FMN2: variants seen among roughly 807,000 people sequenced by gnomAD.
The protein encoded by FMN2 is formin 2.
FMN2 carries 51 observed loss-of-function variants against 142.3 expected under a neutral mutation model. The observed-to-expected ratio is 0.36, with a 90% confidence interval of 0.29 to 0.45. The LOEUF (loss-of-function observed/expected upper bound fraction) is 0.45, where lower values mean the gene tolerates loss of function less well. FMN2 is among the 20% of genes least tolerant of loss of function. The pLI is 1.00. For missense variants in FMN2, 1,936 were observed against 2,122.8 expected (o/e 0.91, Z 1.73); for synonymous variants, 882 against 869.8 (o/e 1.01, Z -0.25).
chr1:240,395,343 C>A (rs1558469599), intron 15 of FMN2, among the ~76,000 whole-genome samples: 2 of 152,198 alleles, frequency 1.3e-5, no homozygotes, highest in Non-Finnish European at 2.9e-5. Context: ...GCTAACACAG[C>A]ATTCATTTTG....
At chr1:240,226,654 G>A (rs1443745263) in intron 6 of FMN2, among the ~76,000 whole-genome samples, 3 of 152,162 alleles carry the variant, frequency 2.0e-5, no homozygotes, top group Non-Finnish European at 2.9e-5. Context: ...TCTCTTAAGT[G>A]ATAGTTTGTG....
intron 2 of FMN2, among the ~76,000 whole-genome samples, chr1:240,155,470 C>T (rs964777229): frequency 6.6e-6 from 1 of 152,058 alleles, no homozygotes; most frequent in South Asian, 2.1e-4. Flanking sequence ...TTTGTAGAGA[C>T]AGGGTCTAGC....
intron 6 of FMN2, among the ~76,000 whole-genome samples, chr1:240,230,704 C>G (rs1667502787): frequency 7.6e-6 from 1 of 131,826 alleles, no homozygotes; most frequent in Non-Finnish European, 1.6e-5. Context: ...TCTTTTAATA[C>G]TCTCCTGTAT....
At chr1:240,343,141 C>T (rs983845661) in intron 13 of FMN2, among the ~76,000 whole-genome samples, 4 of 152,132 alleles carry the variant, frequency 2.6e-5, no homozygotes, top group African/African-American at 9.7e-5. Flanking sequence ...GGGCTCATTG[C>T]AGTGGAATTC....
intron 3 of FMN2, 42 bp downstream of exon 3, chr1:240,178,110 A>G: frequency 6.8e-7 from 1 of 1,463,696 alleles, no homozygotes; most frequent in Non-Finnish European, 9.0e-7. Context: ...GGAAGAGGCA[A>G]GATAGAGAGA....
At chr1:240,179,087 G>C (rs1305231313) in intron 3 of FMN2, among the ~76,000 whole-genome samples, 2 of 152,144 alleles carry the variant, frequency 1.3e-5, no homozygotes, top group African/African-American at 4.8e-5. Context: ...TCTGTAAAAT[G>C]GTGATGAGCA....
chr1:240,260,084 G>T (rs1023976600), intron 7 of FMN2, among the ~76,000 whole-genome samples: 1 of 152,054 alleles, frequency 6.6e-6, no homozygotes, highest in Non-Finnish European at 1.5e-5. Flanking sequence ...CCATTAATTC[G>T]TTCCTTTTTA....
chr1:240,318,470 C>T (rs1434015749), intron 8 of FMN2, among the ~76,000 whole-genome samples: 1 of 151,934 alleles, frequency 6.6e-6, no homozygotes, highest in East Asian at 1.9e-4. Context: ...CTTTAGCACC[C>T]ACTCTGGGAT....
intron 16 of FMN2, among the ~76,000 whole-genome samples, chr1:240,452,226 C>A (rs1676083743): frequency 6.6e-6 from 1 of 152,020 alleles, no homozygotes; most frequent in Non-Finnish European, 1.5e-5. Flanking sequence ...AGTTATGTAG[C>A]CATTCACTCT....
intron 2 of FMN2, among the ~76,000 whole-genome samples, chr1:240,128,822 A>T (rs1662616834): frequency 1.3e-5 from 2 of 152,198 alleles, no homozygotes; most frequent in Admixed American, 1.3e-4. Context: ...GTTACCGTAG[A>T]CAAAAAGAAG....
chr1:240,159,492 G>C (rs1664169901), intron 2 of FMN2, among the ~76,000 whole-genome samples: 1 of 152,094 alleles, frequency 6.6e-6, no homozygotes, highest in Non-Finnish European at 1.5e-5. Flanking sequence ...GTTCAAAATG[G>C]GGTTCCTCAC....
At chr1:240,181,686 G>A (rs139628659) in intron 3 of FMN2, among the ~76,000 whole-genome samples, 1 of 152,274 alleles carries the variant, frequency 6.6e-6, no homozygotes, top group East Asian at 1.9e-4. Flanking sequence ...TGAAGGATAA[G>A]ACTGGCTGGG....
chr1:240,404,052 T>C (rs1674073766), intron 15 of FMN2, among the ~76,000 whole-genome samples: 1 of 152,114 alleles, frequency 6.6e-6, no homozygotes, highest in Non-Finnish European at 1.5e-5. Flanking sequence ...GTATAACAAA[T>C]GAGTTGAAAT....
In FMN2 at chr1:240,207,121, C is replaced by T. The variant is rs368527329; in HGVS notation, c.2309C>T (p.Pro770Leu). The change falls in exon 5 of 18, where the codon CCC (proline) becomes CTC (leucine). Residue 770 changes from proline (P) to leucine (L), a missense_variant. Around this residue, in one of 8 missense-constraint regions of FMN2, gnomAD observed 478 missense variants for 462.8 expected, o/e 1.03. Transcript: ENST00000319653. ...VDGLPGRPPCPPGAESGPQTK... is the reference protein window; with the variant it reads ...VDGLPGRPPCLPGAESGPQTK... ...GGGCTGCCAGGGCGTCCTCCATGCC[C>T]CCCTGGGGCTGAAAGTGGACCTCAG... 4 of 1,613,974 alleles carry T rather than the reference C, an allele frequency of 2.5e-6. No homozygotes were observed. The highest frequency in any genetic ancestry group is 3.4e-6 in the Non-Finnish European group (4 of 1,179,998).
chr1:240,463,180 G>A (rs1210507963), intron 16 of FMN2, among the ~76,000 whole-genome samples: 4 of 149,186 alleles, frequency 2.7e-5, no homozygotes, highest in Non-Finnish European at 6.0e-5. Context: ...TTTCACACAT[G>A]GAGGCCAGTC....
chr1:240,253,770 G>T (rs1668357866), intron 6 of FMN2, among the ~76,000 whole-genome samples: 1 of 152,178 alleles, frequency 6.6e-6, no homozygotes, highest in Non-Finnish European at 1.5e-5. Context: ...TTTTCCTGAA[G>T]ATGTATCTGT....
intron 13 of FMN2, among the ~76,000 whole-genome samples, chr1:240,337,627 A>C (rs543290316): frequency 6.6e-6 from 1 of 152,352 alleles, no homozygotes; most frequent in South Asian, 2.1e-4. Flanking sequence ...TTGGCCATTC[A>C]TAATAAGGTA....
At chr1:240,130,992 C>T (rs141533732) in intron 2 of FMN2, among the ~76,000 whole-genome samples, 6 of 152,160 alleles carry the variant, frequency 3.9e-5, no homozygotes, top group African/African-American at 9.6e-5. Context: ...AACTGGCTTA[C>T]GATTCACTTT....
intron 2 of FMN2, among the ~76,000 whole-genome samples, chr1:240,158,684 C>A (rs1664136292): frequency 6.6e-6 from 1 of 152,080 alleles, no homozygotes; most frequent in South Asian, 2.1e-4. Flanking sequence ...TGTTACTGAC[C>A]AAGTGCACCA....
Sources: allele counts gnomAD v4.1 joint callset (sites outside exome capture counted in the v4.1 genomes callset), GRCh38; gene constraint gnomAD v4.1.1; regional missense constraint gnomAD v4.1.1; transcripts MANE v1.5; gene names NCBI Gene and HGNC (gene_info 2026-07-23, HGNC 2026-07-21).